The following UTP23 variants were observed in gnomAD, a reference collection of about 807,000 sequenced individuals.
UTP23 encodes rRNA-processing protein UTP23 homolog.
A neutral mutation model predicts 19.8 loss-of-function variants in UTP23; 10 were observed. The ratio of observed to expected loss-of-function variants is 0.50; its 90% CI spans 0.31 to 0.86. The LOEUF is 0.86. Ranked by LOEUF, UTP23 falls within the 40% of genes least tolerant of loss-of-function variation. UTP23 has a pLI of 0.05. For missense variants in UTP23, 282 were observed against 293.1 expected, an observed-to-expected ratio of 0.96 and a Z score of 0.28; for synonymous variants, 108 against 105.4, an observed-to-expected ratio of 1.02 and a Z score of -0.15.
chr8:116,772,810 T>G lies in UTP23; in HGVS notation c.*968T>G, dbSNP rs892588465. On this transcript the variant is annotated 3_prime_UTR_variant, in exon 3 of 3. Transcript: ENST00000309822. Reference sequence around the variant, plus strand: ...AATTGAATAATGAAACGTGTCTCTCTGAATTCCCCCGGCAATTGTTTTAGT... The same window carrying G: ...AATTGAATAATGAAACGTGTCTCTCGGAATTCCCCCGGCAATTGTTTTAGT... 1 of 985,328 alleles carries G rather than the reference T, an allele frequency of 1.0e-6. No homozygotes were observed. Among genetic ancestry groups the G allele is most frequent in the Non-Finnish European group, 1.2e-6 (1 of 829,930 alleles). The allele number at this position is 985,328 out of a possible 1,614,324, so 61.0% of individuals were successfully genotyped here. A position where few individuals can be genotyped will look rare whatever the true frequency, so the allele number is the denominator to read the frequency against.
chr8:116,772,819 C>T lies in UTP23; in HGVS notation c.*977C>T. 1.0e-6 allele frequency: 1 copy of T among 985,376 alleles called. No individual in the cohort carries two copies. The highest frequency in any genetic ancestry group is 1.2e-6 in the Non-Finnish European group (1 of 829,926). 61.0% of individuals were successfully genotyped at this position (985,376 alleles called of 1,614,324 possible). Reference sequence around the variant, plus strand: ...ATGAAACGTGTCTCTCTGAATTCCCCCGGCAATTGTTTTAGTCATTTATCA... The same window carrying T: ...ATGAAACGTGTCTCTCTGAATTCCCTCGGCAATTGTTTTAGTCATTTATCA... On this transcript the variant is annotated 3_prime_UTR_variant, in exon 3 of 3. Coordinates refer to ENST00000309822, the MANE Select transcript of UTP23 (RefSeq NM_032334.3).
In UTP23 at chr8:116,771,860, A is replaced by G. The variant is rs1317016669; in HGVS notation, c.*18A>G. ...GAGAATGAATCCTTTGGATACTTTCAAGGACATTCAAATGTGAAAATGAAT... is the reference window on the plus strand; with the variant it reads ...GAGAATGAATCCTTTGGATACTTTCGAGGACATTCAAATGTGAAAATGAAT... On this transcript the variant is annotated 3_prime_UTR_variant, in exon 3 of 3. Transcript: ENST00000309822. The G allele has an allele frequency of 1.3e-6, 2 of 1,528,086 alleles. No homozygotes were observed. Among genetic ancestry groups the G allele is most frequent in the African/African-American group, 2.8e-5 (2 of 71,256 alleles). The allele number at this position is 1,528,086 out of a possible 1,614,324, so 94.7% of individuals were successfully genotyped here. A position where few individuals can be genotyped will look rare whatever the true frequency, so the allele number is the denominator to read the frequency against.
At position 116,766,603 on chromosome 8, in the gene UTP23, C is replaced by A. The variant is rs1447189934; in HGVS notation, c.-1C>A. On this transcript the variant is annotated 5_prime_UTR_variant, in exon 1 of 3. Coordinates refer to ENST00000309822, the MANE Select transcript of UTP23 (RefSeq NM_032334.3). ...GTGGCCTCGGTCCCGGTAAGCCAGG[C>A]ATGAAGATCACAAGGCAGAAACATG... 5 of 1,611,618 alleles carry A rather than the reference C, an allele frequency of 3.1e-6. No individual in the cohort carries two copies. In the Admixed American group the frequency reaches 6.7e-5, roughly 22 times the overall value.
Position 116,771,759 on chromosome 8 carries a change from GAAAAGAAAAGA to G in UTP23, c.677_687del (p.Arg226LysfsTer7). ...ACCGGACACACAATCATCTGCTTCTGAAAAGAAAAGAAAAAGAAAAAGAATTCGGAACAGAT... is the reference window on the plus strand; with the variant it reads ...ACCGGACACACAATCATCTGCTTCTGAAAAGAAAAAGAATTCGGAACAGAT... On this transcript the variant is annotated frameshift_variant, in exon 3 of 3. Transcript: ENST00000309822. LOFTEE classifies it high-confidence loss of function. 6.2e-7 allele frequency: 1 copy of G among 1,607,116 alleles called. No homozygotes were observed. Among genetic ancestry groups the G allele is most frequent in the African/African-American group, 1.4e-5 (1 of 73,846 alleles).
chr8:116,770,617 G>GTT (rs1282107796), intron 2 of UTP23: 2 of 343,330 alleles, frequency 5.8e-6, no homozygotes, highest in Non-Finnish European at 1.1e-5. Context: ...TGCTTTTTTT[G>GTT]TTTGTTTCTT....
At chr8:116,766,845 G>A in intron 1 of UTP23, 54 bp downstream of exon 1, 1 of 1,440,176 alleles carries the variant, frequency 6.9e-7, no homozygotes, top group Non-Finnish European at 9.2e-7. Flanking sequence ...GTGTTGTAGA[G>A]GCGAGGCCGT....
intron 1 of UTP23, among the ~76,000 whole-genome samples, chr8:116,768,183 G>T (rs377181533): frequency 1.3e-5 from 2 of 152,082 alleles, no homozygotes; most frequent in Non-Finnish European, 2.9e-5. Context: ...GCAGGGTCTC[G>T]GCTGGGTTAC....
chr8:116,771,537 A>G lies in UTP23; in HGVS notation c.445A>G (p.Lys149Glu). The G allele has an allele frequency of 6.2e-7, 1 of 1,609,716 alleles. No homozygotes were observed. Among genetic ancestry groups the G allele is most frequent in the Non-Finnish European group, 8.5e-7 (1 of 1,178,992 alleles). The change falls in exon 3 of 3, where the codon AAA becomes GAA. Residue 149 changes from lysine to glutamate, a missense_variant. Transcript: ENST00000309822. ...TATTCAGAACACTATGGTTTTGGAC[A>G]AACCTTCTCCCAAAACAATTGCCTT... is the stretch of plus-strand genomic sequence containing the variant. ...FIIQNTMVLD[K>E]PSPKTIAFVK...
chr8:116,771,884 A>G lies in UTP23; in HGVS notation c.*42A>G. 1 of 1,498,024 alleles carries G rather than the reference A, an allele frequency of 6.7e-7. No individual in the cohort carries two copies. The highest frequency in any genetic ancestry group is 2.1e-4 in the Middle Eastern group (1 of 4,680). The allele number at this position is 1,498,024 out of a possible 1,614,324, so 92.8% of individuals were successfully genotyped here. On this transcript the variant is annotated 3_prime_UTR_variant, in exon 3 of 3. Coordinates refer to ENST00000309822, the MANE Select transcript of UTP23 (RefSeq NM_032334.3). ...CAAGGACATTCAAATGTGAAAATGA[A>G]TTTTTTACAACTAGAAGTATTTATA... is the stretch of plus-strand genomic sequence containing the variant.
chr8:116,772,422 T>G lies in UTP23; in HGVS notation c.*580T>G. 1 of 951,118 alleles carries G rather than the reference T, an allele frequency of 1.1e-6. No individual in the cohort carries two copies. The highest frequency in any genetic ancestry group is 1.3e-6 in the Non-Finnish European group (1 of 798,698). 58.9% of individuals were successfully genotyped at this position (951,118 alleles called of 1,614,324 possible). ...AAACTTCCTCTTTCAATTCTAGTAG[T>G]TGAAGAATTTATATTTCCAAATTGT... On this transcript the variant is annotated 3_prime_UTR_variant, in exon 3 of 3. Coordinates refer to ENST00000309822, the MANE Select transcript of UTP23 (RefSeq NM_032334.3).
chr8:116,772,991 G>A lies in UTP23; in HGVS notation c.*1149G>A, dbSNP rs1028596880. The A allele has an allele frequency of 1.1e-4, 108 of 985,242 alleles. 1 individual carries two copies. The highest frequency in any genetic ancestry group is 1.2e-4 in the Non-Finnish European group (103 of 829,914). 61.0% of individuals were successfully genotyped at this position (985,242 alleles called of 1,614,324 possible). A position where few individuals can be genotyped will look rare whatever the true frequency, so the allele number is the denominator to read the frequency against. On this transcript the variant is annotated 3_prime_UTR_variant, in exon 3 of 3. Transcript: ENST00000309822. ...TCTAACATTAGGTTATCATGATGAC[G>A]TATGAGTAAATTCTTAATGGTTAAA...
chr8:116,772,359 C>A lies in UTP23; in HGVS notation c.*517C>A. 2.0e-6 allele frequency: 2 copies of A among 983,916 alleles called. No individual in the cohort carries two copies. The highest frequency in any genetic ancestry group is 1.1e-4 in the East Asian group (1 of 8,804). 60.9% of individuals were successfully genotyped at this position (983,916 alleles called of 1,614,324 possible). A position where few individuals can be genotyped will look rare whatever the true frequency, so the allele number is the denominator to read the frequency against. ...TCTTACAGTTCTAAAAGGCTTGTGACAAAAAAAGAGGCAGTCCCTCTTTCA... is the reference window on the plus strand; with the variant it reads ...TCTTACAGTTCTAAAAGGCTTGTGAAAAAAAAAGAGGCAGTCCCTCTTTCA... On this transcript the variant is annotated 3_prime_UTR_variant, in exon 3 of 3. Coordinates refer to ENST00000309822, the MANE Select transcript of UTP23 (RefSeq NM_032334.3).
Position 116,772,096 on chromosome 8 carries a change from C to G in UTP23, c.*254C>G. The G allele has an allele frequency of 5.5e-6, 6 of 1,098,224 alleles. No homozygotes were observed. The highest frequency in any genetic ancestry group is 6.7e-6 in the Non-Finnish European group (6 of 898,476). The allele number at this position is 1,098,224 out of a possible 1,614,324, so 68.0% of individuals were successfully genotyped here. A position where few individuals can be genotyped will look rare whatever the true frequency, so the allele number is the denominator to read the frequency against. On this transcript the variant is annotated 3_prime_UTR_variant, in exon 3 of 3. Transcript: ENST00000309822. ...ACTCAGGAGGCTGAGGCATGAGAAT[C>G]GCTTGAACCTGGGAGGCAGAGATTG... is the stretch of plus-strand genomic sequence containing the variant.
Position 116,766,619 on chromosome 8 carries a change from C to T in UTP23, c.16C>T (p.Gln6Ter). The T allele has an allele frequency of 1.2e-6, 2 of 1,613,032 alleles. No homozygotes were observed. The highest frequency in any genetic ancestry group is 8.5e-7 in the Non-Finnish European group (1 of 1,179,540). Residue 6 changes from glutamine (Q) to a stop codon, truncating the protein, a stop_gained, in exon 1 of 3, where the codon CAG (glutamine) becomes TAG (stop). Coordinates refer to ENST00000309822, the MANE Select transcript of UTP23 (RefSeq NM_032334.3). LOFTEE classifies it high-confidence loss of function. ...TAAGCCAGGCATGAAGATCACAAGG[C>T]AGAAACATGCCAAGAAGCATCTTGG... MKITR[Q>*]KHAKKHLGFF...
At chr8:116,770,568 GA>G (rs1815639169) in intron 2 of UTP23, 2 of 469,136 alleles carry the variant, frequency 4.3e-6, no homozygotes, top group Non-Finnish European at 7.2e-6. Context: ...TTTAGTAGTG[GA>G]AGGTTGGGTT....
intron 1 of UTP23, 137 bp from the exon 2 acceptor site, chr8:116,770,055 A>G (rs764647737): frequency 2.5e-6 from 2 of 801,380 alleles, no homozygotes; most frequent in South Asian, 2.6e-5. Context: ...TTTTCAAGTG[A>G]TCTTTTAAAG....
chr8:116,772,862 T>G lies in UTP23; in HGVS notation c.*1020T>G. On this transcript the variant is annotated 3_prime_UTR_variant, in exon 3 of 3. Coordinates refer to ENST00000309822, the MANE Select transcript of UTP23 (RefSeq NM_032334.3). Reference sequence around the variant, plus strand: ...ATTTATCAGGCCAAAATTAAAATGTTTTTGTACTACAAGATGGAAGTATAA... The same window carrying G: ...ATTTATCAGGCCAAAATTAAAATGTGTTTGTACTACAAGATGGAAGTATAA... 1.0e-6 allele frequency: 1 copy of G among 985,432 alleles called. No individual in the cohort carries two copies. Among genetic ancestry groups the G allele is most frequent in the Non-Finnish European group, 1.2e-6 (1 of 829,932 alleles). The allele number at this position is 985,432 out of a possible 1,614,324, so 61.0% of individuals were successfully genotyped here. A position where few individuals can be genotyped will look rare whatever the true frequency, so the allele number is the denominator to read the frequency against.
rs1317526874 is a variant in UTP23, at chr8:116,774,334, C to G, written c.*2492C>G. On this transcript the variant is annotated 3_prime_UTR_variant, in exon 3 of 3. Coordinates refer to ENST00000309822, the MANE Select transcript of UTP23 (RefSeq NM_032334.3). ...AAGTCACTTTAGAACAGCTTTGAAA[C>G]TAGAGTTTCAAAGGTAAAAGGATCT... 1.0e-6 allele frequency: 1 copy of G among 985,130 alleles called. No individual in the cohort carries two copies. Among genetic ancestry groups the G allele is most frequent in the Non-Finnish European group, 1.2e-6 (1 of 829,910 alleles). 61.0% of individuals were successfully genotyped at this position (985,130 alleles called of 1,614,324 possible). A position where few individuals can be genotyped will look rare whatever the true frequency, so the allele number is the denominator to read the frequency against.
Position 116,772,540 on chromosome 8 carries a change from C to G in UTP23, c.*698C>G. 1 of 984,842 alleles carries G rather than the reference C, an allele frequency of 1.0e-6. No individual in the cohort carries two copies. Among genetic ancestry groups the G allele is most frequent in the Non-Finnish European group, 1.2e-6 (1 of 829,444 alleles). 61.0% of individuals were successfully genotyped at this position (984,842 alleles called of 1,614,324 possible). ...TGCCCATTTATACTGCACCATTTTT[C>G]CAGTATATGAATATTTTACTCTTTG... On this transcript the variant is annotated 3_prime_UTR_variant, in exon 3 of 3. Transcript: ENST00000309822.
Sources: gnomAD v4.1 joint callset for allele counts (sites outside exome capture counted in the v4.1 genomes callset) on GRCh38, gnomAD v4.1.1 for gene constraint, MANE v1.5 for transcripts, NCBI Gene and HGNC (gene_info 2026-07-23, HGNC 2026-07-21) for gene names.